Variants in PTRH1 observed in about 807,000 individuals in gnomAD.
PTRH1 encodes peptidyl-tRNA hydrolase.
PTRH1 carries 13 observed loss-of-function variants against 15.7 expected under a neutral mutation model. That is an observed-to-expected ratio of 0.83 (90% CI 0.54 to 1.31). The LOEUF (loss-of-function observed/expected upper bound fraction) is 1.31, where lower values mean the gene tolerates loss of function less well. Among genes scored for constraint, PTRH1 ranks in the 40% most tolerant of loss-of-function variants. The probability of loss-of-function intolerance (pLI) is 0.00; values close to 1 mark genes in which losing one functional copy is unlikely to be tolerated. For missense variants in PTRH1, 319 were observed against 296.2 expected (o/e 1.08, Z -0.56); for synonymous variants, 139 against 136.7 (o/e 1.02, Z -0.12).
Position 127,713,814 on chromosome 9 carries a change from C to A in PTRH1, c.*286G>T. ...GAGCCACTGCACCCGGCCTCCAAGC[C>A]AGCATCTTTAATCTTACAGATGCGT... On this transcript the variant is annotated 3_prime_UTR_variant, in exon 5 of 5. Coordinates refer to ENST00000543175, the MANE Select transcript of PTRH1 (RefSeq NM_001002913.3). The A allele has an allele frequency of 6.2e-7, 1 of 1,611,878 alleles. No homozygotes were observed. Among genetic ancestry groups the A allele is most frequent in the South Asian group, 1.1e-5 (1 of 91,032 alleles).
chr9:127,715,647 C>G lies in PTRH1; in HGVS notation c.-8G>C, dbSNP rs200545038. ...AAAGCCGCCCGGCCTCATGCTGCCC[C>G]CATTCACTCCGACACCGCCCCCTGA... On this transcript the variant is annotated 5_prime_UTR_variant, in exon 1 of 5. Coordinates refer to ENST00000543175, the MANE Select transcript of PTRH1 (RefSeq NM_001002913.3). The surrounding 1 kb of genome is among the most constrained non-coding windows in gnomAD (Gnocchi z 5.8). 15 of 1,610,342 alleles carry G rather than the reference C, an allele frequency of 9.3e-6. No individual in the cohort carries two copies. Among genetic ancestry groups the G allele is most frequent in the Admixed American group, 6.7e-5 (4 of 59,864 alleles).
Position 127,715,045 on chromosome 9 carries a change from C to T in PTRH1, c.246G>A (p.Gly82=). Residue 82 remains glycine (G), a synonymous_variant, in exon 2 of 5, where the codon GGG becomes GGA. Transcript: ENST00000543175. The surrounding 1 kb of genome is among the most constrained non-coding windows in gnomAD (Gnocchi z 5.8). ...CAADLALAPL[G]DAQLVLLRPR... ...GCCGGAGCAGGACCAGTTGGGCATC[C>T]CCCAGCGGGGCCAGGGCGAGGTCGG... The T allele has an allele frequency of 3.3e-6, 5 of 1,525,570 alleles. No individual in the cohort carries two copies. Among genetic ancestry groups the T allele is most frequent in the African/African-American group, 2.8e-5 (2 of 72,624 alleles). 94.5% of individuals were successfully genotyped at this position (1,525,570 alleles called of 1,614,324 possible). A position where few individuals can be genotyped will look rare whatever the true frequency, so the allele number is the denominator to read the frequency against.
intron 1 of PTRH1, among the ~76,000 whole-genome samples, chr9:127,697,580 G>A (rs1387948520): frequency 6.6e-6 from 1 of 152,182 alleles, no homozygotes; most frequent in Non-Finnish European, 1.5e-5. Context: ...AGAATCACTT[G>A]AACCCGGGAA....
downstream of PTRH1, chr9:127,711,933 G>T: frequency 6.2e-7 from 1 of 1,606,130 alleles, no homozygotes; most frequent in Non-Finnish European, 8.5e-7. Context: ...AGCTGCAGGT[G>T]GATAACCAGG....
intron 2 of PTRH1, 78 bp downstream of exon 2, chr9:127,714,897 C>G: frequency 9.6e-7 from 1 of 1,043,254 alleles, no homozygotes; most frequent in East Asian, 2.6e-5. Flanking sequence ...CTGTCACAGC[C>G]AGTGCTCCCC....
At chr9:127,699,831 G>C (rs970886625) in intron 1 of PTRH1, among the ~76,000 whole-genome samples, 2 of 152,120 alleles carry the variant, frequency 1.3e-5, no homozygotes, top group Admixed American at 6.6e-5. Context: ...CACCAGATGG[G>C]CTATGGAGTT....
intron 1 of PTRH1, among the ~76,000 whole-genome samples, chr9:127,704,505 C>CA (rs374789277): frequency 0.041 from 2,026 of 49,332 alleles, 26 homozygotes; most frequent in South Asian, 0.082. Flanking sequence ...GACACTGTCT[C>CA]AAAAAAAAAA....
rs1390958868 is a variant in PTRH1 at position 127,714,390 on chromosome 9, G to C, written c.451C>G (p.Leu151Val). The change falls in exon 4 of 5, where the codon CTC becomes GTC. Residue 151 changes from leucine to valine, a missense_variant. By Grantham distance (32) the Leu-to-Val change is conservative. Coordinates refer to ENST00000543175, the MANE Select transcript of PTRH1 (RefSeq NM_001002913.3). ...HNGVRSCISC[L>V]NSNAMPRLRV... ...AAGGGTAGACTCACATTGGAGTTGA[G>C]GCAGCTAATGCAGGAACGGACTCCA... 4 of 1,614,244 alleles carry C rather than the reference G, an allele frequency of 2.5e-6. No individual in the cohort carries two copies. In the Admixed American group the frequency reaches 6.7e-5, roughly 27 times the overall value.
Position 127,714,632 on chromosome 9 carries a change from T to C in PTRH1, c.387A>G (p.Arg129=). ...CACTGCCCCCCAGCTTCAGAGCCAG[T>C]CTCCCCAGGGGCTTGTCCAGCTCAT... ...VHDELDKPLG[R]LALKLGGSAR... Residue 129 remains arginine, a synonymous_variant, in exon 3 of 5, where the codon AGA becomes AGG. Transcript: ENST00000543175. 1 of 1,613,856 alleles carries C rather than the reference T, an allele frequency of 6.2e-7. No homozygotes were observed. Among genetic ancestry groups the C allele is most frequent in the East Asian group, 2.2e-5 (1 of 44,856 alleles).
chr9:127,710,403 G>A (rs778421938), downstream of PTRH1, among the ~76,000 whole-genome samples: 1 of 152,214 alleles, frequency 6.6e-6, no homozygotes, highest in Non-Finnish European at 1.5e-5. Context: ...ATGGAGGGGT[G>A]GAGGGAGGGC....
Position 127,714,982 on chromosome 9 carries a change from G to T in PTRH1, c.309C>A (p.Ala103=). The T allele has an allele frequency of 2.4e-6, 2 of 821,970 alleles. No individual in the cohort carries two copies. The highest frequency in any genetic ancestry group is 3.2e-6 in the Non-Finnish European group (2 of 628,292). 50.9% of individuals were successfully genotyped at this position (821,970 alleles called of 1,614,324 possible). ...CTGGCGCTCTCAACTCACCAGCCCG[G>T]GCCACGCTGCGCCCGTTGGCGTTCA... ...RLMNANGRSV[A]RAAELFGLTA... Residue 103 remains alanine, a synonymous_variant, in exon 2 of 5, where the codon GCC becomes GCA. Transcript: ENST00000543175.
At chr9:127,700,458 C>A (rs915575355) in intron 1 of PTRH1, among the ~76,000 whole-genome samples, 4 of 152,272 alleles carry the variant, frequency 2.6e-5, no homozygotes, top group Non-Finnish European at 5.9e-5. Flanking sequence ...TGAATGGAGT[C>A]CCCCTTGGCT....
Position 127,714,303 on chromosome 9 carries a change from C to G in PTRH1, c.463-21G>C, listed in dbSNP as rs539609593. 94 of 1,614,036 alleles carry G rather than the reference C, an allele frequency of 5.8e-5. No individual in the cohort carries two copies. In the East Asian group the frequency reaches 2.0e-3, roughly 34 times the overall value. ...ATTGCCTGTGGGAGAGCCAGAGAGGCCCAGGAAGCTTTGGCGAGGTGCTGG... is the reference window on the plus strand; with the variant it reads ...ATTGCCTGTGGGAGAGCCAGAGAGGGCCAGGAAGCTTTGGCGAGGTGCTGG... On this transcript the variant is annotated intron_variant, in intron 4 of 4. Coordinates refer to ENST00000543175, the MANE Select transcript of PTRH1 (RefSeq NM_001002913.3).
chr9:127,711,776 G>A, downstream of PTRH1: 4 of 1,539,562 alleles, frequency 2.6e-6, no homozygotes, highest in Non-Finnish European at 1.8e-6. Flanking sequence ...TGCAGCTGGG[G>A]GACAGGGCAG....
chr9:127,709,276 T>G, downstream of PTRH1: 1 of 758,600 alleles, frequency 1.3e-6, no homozygotes, highest in Non-Finnish European at 2.1e-6. This position sits in a 1 kb window ranked among gnomAD's most constrained non-coding sequence, Gnocchi z 4.7. Flanking sequence ...CCAAGGGGCA[T>G]AGTGGGAGAT....
chr9:127,712,824 A>C (rs1317442914), downstream of PTRH1: 1 of 1,613,952 alleles, frequency 6.2e-7, no homozygotes, highest in South Asian at 1.1e-5. Context: ...AGACCTCAGA[A>C]GGCTGCGTGT....
chr9:127,696,787 G>A (rs765349977), intron 1 of PTRH1, among the ~76,000 whole-genome samples: 2 of 152,106 alleles, frequency 1.3e-5, no homozygotes, highest in Non-Finnish European at 1.5e-5. Context: ...ACTTGACCCC[G>A]GGAGGCAGAG....
At chr9:127,703,222 G>A (rs555723242) in intron 1 of PTRH1, among the ~76,000 whole-genome samples, 1 of 151,738 alleles carries the variant, frequency 6.6e-6, no homozygotes, top group African/African-American at 2.4e-5. Context: ...AGGCTGAGGC[G>A]GGCAGATCAC....
Position 127,715,311 on chromosome 9 carries a change from A to AG in PTRH1, c.97-118dup, listed in dbSNP as rs1236825685. On this transcript the variant is annotated intron_variant, in intron 1 of 4. Transcript: ENST00000543175. This position sits in a 1 kb window ranked among gnomAD's most constrained non-coding sequence, Gnocchi z 5.8. ...ACGCAGAGCAACGCTGCAGTGGGGA[A>AG]GGGGCGCGAAGAAGGGGCCCAGAAA... 7.6e-7 allele frequency: 1 copy of AG among 1,322,210 alleles called. No individual in the cohort carries two copies. Among genetic ancestry groups the AG allele is most frequent in the Non-Finnish European group, 1.1e-6 (1 of 951,690 alleles). 81.9% of individuals were successfully genotyped at this position (1,322,210 alleles called of 1,614,324 possible).
Sources: allele counts gnomAD v4.1 joint callset (sites outside exome capture counted in the v4.1 genomes callset), GRCh38; gene constraint gnomAD v4.1.1; non-coding constraint Gnocchi (gnomAD v3.1); transcripts MANE v1.5; gene names NCBI Gene and HGNC (gene_info 2026-07-23, HGNC 2026-07-21).